SGK3: variants seen among roughly 807,000 people sequenced by gnomAD.
SGK3 encodes serum/glucocorticoid regulated kinase family member 3, also known as serine/threonine-protein kinase Sgk3.
A neutral mutation model predicts 68.5 loss-of-function variants in SGK3; 47 were observed. The ratio of observed to expected loss-of-function variants is 0.69; its 90% CI spans 0.54 to 0.87. SGK3 has a LOEUF of 0.87. SGK3 is among the 40% of genes least tolerant of loss of function. The pLI, the probability that SGK3 is intolerant of heterozygous loss-of-function variation, is 0.00. For synonymous variants in SGK3, 181 were observed against 189.1 expected (o/e 0.96, Z 0.35); for missense variants, 479 against 575.5 (o/e 0.83, Z 1.72).
intron 1 of SGK3, among the ~76,000 whole-genome samples, chr8:66,789,391 CCA>C (rs1807344022): frequency 6.6e-6 from 1 of 152,154 alleles, no homozygotes; most frequent in African/African-American, 2.4e-5. Context: ...GGAGACAGTT[CCA>C]GAGTCTTCTT....
chr8:66,757,713 G>C (rs1044817198), intron 1 of SGK3, among the ~76,000 whole-genome samples: 4 of 150,034 alleles, frequency 2.7e-5, no homozygotes, highest in Admixed American at 2.0e-4. Flanking sequence ...TCAGGAGTTT[G>C]AGACCAGCCT....
At chr8:66,723,131 A>ATATATATATATTT (rs1554591219) in intron 1 of SGK3, among the ~76,000 whole-genome samples, 2 of 29,496 alleles carry the variant, frequency 6.8e-5, no homozygotes, top group Admixed American at 6.9e-4. Flanking sequence ...ATATATATAT[A>ATATATATATATTT]TTTTTTTTTT....
chr8:66,774,417 C>T (rs1806614877), intron 1 of SGK3, among the ~76,000 whole-genome samples: 2 of 152,062 alleles, frequency 1.3e-5, no homozygotes, highest in African/African-American at 2.4e-5. Context: ...CCTGACTCAG[C>T]CCATGGAGTA....
At chr8:66,749,525 A>C (rs1805751368) in intron 1 of SGK3, among the ~76,000 whole-genome samples, 1 of 152,150 alleles carries the variant, frequency 6.6e-6, no homozygotes, top group Non-Finnish European at 1.5e-5. Flanking sequence ...TCTATTGGTG[A>C]ATGTGAGCAA....
intron 16 of SGK3, among the ~76,000 whole-genome samples, chr8:66,853,532 T>C (rs1810381542): frequency 6.6e-6 from 1 of 152,234 alleles, no homozygotes; most frequent in Non-Finnish European, 1.5e-5. Flanking sequence ...CATGCTAAGC[T>C]TCAGTATTTC....
rs1809779493 is a variant in SGK3 at position 66,841,006 on chromosome 8, T to G, written c.892-18T>G. The G allele has an allele frequency of 6.5e-7, 1 of 1,546,054 alleles. No individual in the cohort carries two copies. Reference sequence around the variant, plus strand: ...ATATTTATGCATTGTTTTATCTTACTGCCCCTGTATTTGTCAGGGACATGT... The same window carrying G: ...ATATTTATGCATTGTTTTATCTTACGGCCCCTGTATTTGTCAGGGACATGT... On this transcript the variant is annotated intron_variant, in intron 12 of 16. Transcript: ENST00000521198.
intron 16 of SGK3, among the ~76,000 whole-genome samples, chr8:66,854,791 A>G (rs1481251698): frequency 2.6e-5 from 4 of 152,130 alleles, no homozygotes; most frequent in Non-Finnish European, 5.9e-5. Context: ...CCCACTGTGT[A>G]CCCAGCATTG....
chr8:66,782,210 G>A (rs943904723), intron 1 of SGK3, among the ~76,000 whole-genome samples: 5 of 152,154 alleles, frequency 3.3e-5, no homozygotes, highest in African/African-American at 7.2e-5. Context: ...AACTTAAAAC[G>A]AAACCTATTC....
intron 4 of SGK3, among the ~76,000 whole-genome samples, chr8:66,808,650 A>T (rs1808259030): frequency 1.3e-5 from 2 of 150,834 alleles, no homozygotes; most frequent in Admixed American, 6.7e-5. Flanking sequence ...AGTAGCTGGG[A>T]TTATAGGATG....
rs919514482 is a variant in SGK3 at position 66,745,320 on chromosome 8, C to T, written c.-122+32487C>T. 3.9e-5 allele frequency among the ~76,000 whole-genome samples: 6 copies of T among 152,038 alleles called. No individual in the cohort carries two copies. In the East Asian group the frequency reaches 1.2e-3, roughly 29 times the overall value. ...GGCACAGTGGCTCACACCTGTAATC[C>T]CAGCACTTTGGGAGGCTGAGGCAGG... is the stretch of plus-strand genomic sequence containing the variant. On this transcript the variant is annotated intron_variant, in intron 1 of 16. Transcript: ENST00000521198.
chr8:66,832,542 C>T (rs1809344178), intron 8 of SGK3, among the ~76,000 whole-genome samples: 1 of 152,102 alleles, frequency 6.6e-6, no homozygotes, highest in Admixed American at 6.6e-5. Flanking sequence ...GAAATTAATC[C>T]TGCTCTCAAA....
At chr8:66,844,929 A>G (rs990532370) in intron 14 of SGK3, among the ~76,000 whole-genome samples, 5 of 152,246 alleles carry the variant, frequency 3.3e-5, no homozygotes, top group Non-Finnish European at 5.9e-5. Flanking sequence ...TTGGAAAACC[A>G]CTTTATACCT....
At chr8:66,825,741 T>C (rs145677198) in intron 6 of SGK3, among the ~76,000 whole-genome samples, 4 of 152,316 alleles carry the variant, frequency 2.6e-5, no homozygotes, top group African/African-American at 9.6e-5. Context: ...ATGATCTCAA[T>C]TAGTATTCAT....
intron 1 of SGK3, among the ~76,000 whole-genome samples, chr8:66,741,651 G>A (rs920835336): frequency 3.3e-5 from 5 of 152,030 alleles, no homozygotes; most frequent in African/African-American, 1.2e-4. Context: ...CAGATTGCTT[G>A]AGCCTAGGAG....
intron 14 of SGK3, among the ~76,000 whole-genome samples, chr8:66,845,872 G>A (rs1809991424): frequency 6.6e-6 from 1 of 151,644 alleles, no homozygotes; most frequent in African/African-American, 2.4e-5. Context: ...TTTTTATTTT[G>A]TAAACTTCTG....
At chr8:66,809,623 A>G (rs1214551772) in intron 4 of SGK3, among the ~76,000 whole-genome samples, 1 of 152,260 alleles carries the variant, frequency 6.6e-6, no homozygotes, top group African/African-American at 2.4e-5. Flanking sequence ...TAAAAAATCA[A>G]GGATTTATCT....
chr8:66,728,405 C>CA (rs1805041010), intron 1 of SGK3, among the ~76,000 whole-genome samples: 1 of 151,636 alleles, frequency 6.6e-6, no homozygotes, highest in African/African-American at 2.4e-5. Context: ...CAGCTCACTA[C>CA]AATCTCCACC....
In SGK3 at chr8:66,847,192, G is replaced by A; in HGVS notation, c.1075-1G>A. 1 of 1,566,712 alleles carries A rather than the reference G, an allele frequency of 6.4e-7. No homozygotes were observed. On this transcript the variant is annotated splice_acceptor_variant, in intron 14 of 16. Coordinates refer to ENST00000521198, the MANE Select transcript of SGK3 (RefSeq NM_001033578.3). LOFTEE classifies it high-confidence loss of function. ...TTTATTTTGCTTTTTTTTTTTTCCA[G>A]CCTCCTTTTTATTGCCGAGATGTTG... is the stretch of plus-strand genomic sequence containing the variant.
At chr8:66,787,944 G>A (rs1807277079) in intron 1 of SGK3, among the ~76,000 whole-genome samples, 1 of 152,158 alleles carries the variant, frequency 6.6e-6, no homozygotes. Context: ...CACGTGTACT[G>A]CTCAGAGTTC....
Sources: gnomAD v4.1 joint callset for allele counts (sites outside exome capture counted in the v4.1 genomes callset) on GRCh38, gnomAD v4.1.1 for gene constraint, MANE v1.5 for transcripts, NCBI Gene and HGNC (gene_info 2026-07-23, HGNC 2026-07-21) for gene names.